ONECUT1: variants seen among roughly 807,000 people sequenced by gnomAD.
ONECUT1 encodes one cut homeobox 1, also known as hepatocyte nuclear factor 6.
Under a neutral mutation model 25.6 loss-of-function variants are expected in ONECUT1, and 12 were observed. That is an observed-to-expected ratio of 0.47 (90% CI 0.30 to 0.76). The LOEUF (loss-of-function observed/expected upper bound fraction) is 0.76. Among genes scored for constraint, ONECUT1 ranks in the 30% least tolerant of loss-of-function variants. The pLI is 0.07. For synonymous variants in ONECUT1, 285 were observed against 270.2 expected, an observed-to-expected ratio of 1.05 and a Z score of -0.54; for missense variants, 620 against 651.2, an observed-to-expected ratio of 0.95 and a Z score of 0.52.
In ONECUT1 at chr15:52,778,203, T is replaced by G. The variant is rs114955693; in HGVS notation, c.1105+10577A>C. Among the ~76,000 whole-genome samples, 1,440 of 152,328 alleles carry G rather than the reference T, an allele frequency of 9.5e-3. 23 individuals are homozygous for G. Among genetic ancestry groups the G allele is most frequent in the African/African-American group, 0.032 (1,343 of 41,560 alleles). On this transcript the variant is annotated intron_variant, in intron 1 of 1. Transcript: ENST00000305901. ...CTCAATAAAAGAACTAGAACATTAG[T>G]TGCCTTGTGAAGCTACAGGGTGTTC... is the stretch of plus-strand genomic sequence containing the variant.
rs368899189 is a variant in ONECUT1 at position 52,782,754 on chromosome 15, T to C, written c.1105+6026A>G. 6.6e-4 allele frequency among the ~76,000 whole-genome samples: 100 copies of C among 152,328 alleles called. 1 individual carries two copies. Among genetic ancestry groups the C allele is most frequent in the African/African-American group, 2.3e-3 (96 of 41,570 alleles). On this transcript the variant is annotated intron_variant, in intron 1 of 1. Coordinates refer to ENST00000305901, the MANE Select transcript of ONECUT1 (RefSeq NM_004498.4). ...GAAATTCTGCTGTTTTAATGGGGACTGAAAGGAAACTAGTCATTTCTCATT... is the reference window on the plus strand; with the variant it reads ...GAAATTCTGCTGTTTTAATGGGGACCGAAAGGAAACTAGTCATTTCTCATT...
intron 1 of ONECUT1, chr15:52,780,963 G>T: frequency 9.3e-7 from 1 of 1,079,442 alleles, no homozygotes; most frequent in Non-Finnish European, 1.2e-6. Flanking sequence ...ATTGCAAGAT[G>T]CCCTCTAGAC....
In ONECUT1 at chr15:52,776,168, G is replaced by C. The variant is rs2456504; in HGVS notation, c.1105+12612C>G. On this transcript the variant is annotated intron_variant, in intron 1 of 1. Transcript: ENST00000305901. ...CTCAGTAAGTAACAGGTTCCGGTGA[G>C]GCAGAAACAATCTAACTGATTGGAT... Among the ~76,000 whole-genome samples, 733 of 152,306 alleles carry C rather than the reference G, an allele frequency of 4.8e-3. 3 individuals are homozygous for C. The highest frequency in any genetic ancestry group is 0.016 in the African/African-American group (685 of 41,556).
intron 1 of ONECUT1, among the ~76,000 whole-genome samples, chr15:52,775,978 T>C (rs950624590): frequency 6.6e-6 from 1 of 152,210 alleles, no homozygotes. Context: ...AGGGATGGAT[T>C]TGGGCTAACC....
intron 1 of ONECUT1, 47 bp from the exon 2 acceptor site, chr15:52,757,894 A>G: frequency 6.4e-6 from 10 of 1,565,218 alleles, no homozygotes; most frequent in Non-Finnish European, 7.8e-6. Flanking sequence ...CTAGGGGAGA[A>G]TCATGAGTAG....
chr15:52,788,995 A>C lies in ONECUT1; in HGVS notation c.890T>G (p.Val297Gly). Reference protein sequence around the residue: ...GQMEEINTKEVAQRITTELKR... With the variant: ...GQMEEINTKEGAQRITTELKR... ...GAGCTCGGTGGTGATACGCTGCGCC[A>C]CCTCTTTGGTATTGATCTCTTCCAT... Residue 297 changes from valine to glycine, a missense_variant, in exon 1 of 2, where the codon GTG becomes GGG. Coordinates refer to ENST00000305901, the MANE Select transcript of ONECUT1 (RefSeq NM_004498.4). This position sits in a 1 kb window ranked among gnomAD's most constrained non-coding sequence, Gnocchi z 4.3. 6.2e-7 allele frequency: 1 copy of C among 1,610,894 alleles called. No homozygotes were observed. Among genetic ancestry groups the C allele is most frequent in the Non-Finnish European group, 8.5e-7 (1 of 1,179,954 alleles).
At chr15:52,761,019 G>A (rs1355004643) in intron 1 of ONECUT1, among the ~76,000 whole-genome samples, 1 of 150,738 alleles carries the variant, frequency 6.6e-6, no homozygotes, top group Admixed American at 6.6e-5. Flanking sequence ...ACTCTGGGGT[G>A]GGGTGGGGGT....
intron 1 of ONECUT1, chr15:52,785,855 T>A (rs1386553017): frequency 6.6e-6 from 1 of 152,254 alleles, no homozygotes; most frequent in Non-Finnish European, 1.5e-5. Context: ...TGTTATTTCG[T>A]GACCGGAAGG....
In ONECUT1 at chr15:52,784,032, C is replaced by T. The variant is rs1403901094; in HGVS notation, c.1105+4748G>A. On this transcript the variant is annotated intron_variant, in intron 1 of 1. Transcript: ENST00000305901. This position sits in a 1 kb window ranked among gnomAD's most constrained non-coding sequence, Gnocchi z 5.0. ...AAGGCGCAGCAAGCATCCCTTTCTT[C>T]GCTGCCGCGGGCTGAACCACGGACG... is the stretch of plus-strand genomic sequence containing the variant. 6.6e-6 allele frequency among the ~76,000 whole-genome samples: 1 copy of T among 152,234 alleles called. No individual in the cohort carries two copies. Among genetic ancestry groups the T allele is most frequent in the East Asian group, 1.9e-4 (1 of 5,198 alleles).
chr15:52,782,717 AC>A (rs2141462133), intron 1 of ONECUT1, among the ~76,000 whole-genome samples: 1 of 152,348 alleles, frequency 6.6e-6, no homozygotes, highest in South Asian at 2.1e-4. Context: ...ATTCAATTTT[AC>A]CAAGAGTGTG....
intron 1 of ONECUT1, among the ~76,000 whole-genome samples, chr15:52,783,321 T>C (rs951892740): frequency 7.2e-5 from 11 of 152,224 alleles, no homozygotes; most frequent in Middle Eastern, 3.2e-3. Context: ...TCGACGAGGA[T>C]AGGTTTGATC....
In ONECUT1 at chr15:52,789,181, G is replaced by T. The variant is rs1369073807; in HGVS notation, c.704C>A (p.Thr235Lys). The change falls in exon 1 of 2, where the codon ACG becomes AAG. Residue 235 changes from threonine (T) to lysine (K), a missense_variant. This residue lies in a region of ONECUT1 where 440 missense variants were observed against 404.9 expected (regional missense o/e 1.09). Coordinates refer to ENST00000305901, the MANE Select transcript of ONECUT1 (RefSeq NM_004498.4). The surrounding 1 kb of genome is among the most constrained non-coding windows in gnomAD (Gnocchi z 4.1). ...MLGRHGEQHL[T>K]PTSAGMVPIN... Reference sequence around the variant, plus strand: ...GGGCACCATGCCGGCCGAGGTGGGCGTGAGGTGCTGCTCCCCGTGGCGGCC... The same window carrying T: ...GGGCACCATGCCGGCCGAGGTGGGCTTGAGGTGCTGCTCCCCGTGGCGGCC... 6.3e-7 allele frequency: 1 copy of T among 1,583,086 alleles called. No individual in the cohort carries two copies. The highest frequency in any genetic ancestry group is 1.1e-5 in the South Asian group (1 of 88,244).
intron 1 of ONECUT1, among the ~76,000 whole-genome samples, chr15:52,783,500 C>T (rs899250986): frequency 3.3e-5 from 5 of 152,234 alleles, no homozygotes; most frequent in Non-Finnish European, 5.9e-5. Flanking sequence ...GGCGGTGGGA[C>T]CCTGTCCAGG....
At chr15:52,758,552 T>C (rs2083687476) in intron 1 of ONECUT1, among the ~76,000 whole-genome samples, 1 of 152,194 alleles carries the variant, frequency 6.6e-6, no homozygotes, top group African/African-American at 2.4e-5. Context: ...ACATTGAGAC[T>C]AAACCTGCCA....
In ONECUT1 at chr15:52,789,558, C is replaced by T. The variant is rs762584082; in HGVS notation, c.327G>A (p.Leu109=). ...MPTTYTTLTP[L]QPLPPISTVS... ...CTGTGGAGATGGGAGGCAGCGGCTGCAGAGGGGTCAAGGTGGTGTAGGTGG... is the reference window on the plus strand; with the variant it reads ...CTGTGGAGATGGGAGGCAGCGGCTGTAGAGGGGTCAAGGTGGTGTAGGTGG... The change falls in exon 1 of 2, where the codon CTG becomes CTA. Residue 109 remains leucine, a synonymous_variant. Transcript: ENST00000305901. The surrounding 1 kb of genome is among the most constrained non-coding windows in gnomAD (Gnocchi z 4.1). The T allele has an allele frequency of 6.3e-7, 1 of 1,595,834 alleles. No homozygotes were observed. Among genetic ancestry groups the T allele is most frequent in the East Asian group, 2.2e-5 (1 of 44,694 alleles).
rs35138937 is a variant in ONECUT1 at position 52,789,054 on chromosome 15, G to C, written c.831C>G (p.Gly277=). 2 of 1,603,228 alleles carry C rather than the reference G, an allele frequency of 1.2e-6. No individual in the cohort carries two copies. The highest frequency in any genetic ancestry group is 4.5e-5 in the East Asian group (2 of 44,880). ...AATTACTTCCATTGCTGACCTGCGC[G>C]CCGGTCACCGAAGGGTTGGGCTCCC... The part of the protein sequence containing the change: ...TAREPNPSVT[G]AQVSNGSNSG... Residue 277 remains glycine, a synonymous_variant, in exon 1 of 2, where the codon GGC becomes GGG. Coordinates refer to ENST00000305901, the MANE Select transcript of ONECUT1 (RefSeq NM_004498.4). The surrounding 1 kb of genome is among the most constrained non-coding windows in gnomAD (Gnocchi z 4.1).
Position 52,757,481 on chromosome 15 carries a change from T to G in ONECUT1, c.*74A>C. 6.9e-7 allele frequency: 1 copy of G among 1,455,840 alleles called. No individual in the cohort carries two copies. The highest frequency in any genetic ancestry group is 9.3e-7 in the Non-Finnish European group (1 of 1,076,724). 90.2% of individuals were successfully genotyped at this position (1,455,840 alleles called of 1,614,324 possible). A position where few individuals can be genotyped will look rare whatever the true frequency, so the allele number is the denominator to read the frequency against. On this transcript the variant is annotated 3_prime_UTR_variant, in exon 2 of 2. Transcript: ENST00000305901. ...ATTTCTAAGTATAAACCTGCTATCT[T>G]GAGGTCCTGGTCTTTTAAAAATTTT...
In ONECUT1 at chr15:52,755,493, A is replaced by AAACTT; in HGVS notation, c.*2061_*2062insAAGTT. On this transcript the variant is annotated 3_prime_UTR_variant, in exon 2 of 2. Coordinates refer to ENST00000305901, the MANE Select transcript of ONECUT1 (RefSeq NM_004498.4). ...AAATGAAGTATTTCATCAAAAGAGA[A>AAACTT]GTATATGTTGGTTTCCTCTTCTCAT... Among the ~76,000 whole-genome samples the AAACTT allele has an allele frequency of 6.6e-6, 1 of 152,344 alleles. No individual in the cohort carries two copies. Among genetic ancestry groups the AAACTT allele is most frequent in the Non-Finnish European group, 1.5e-5 (1 of 68,034 alleles).
At position 52,788,181 on chromosome 15, in the gene ONECUT1, A is replaced by T. The variant is rs2083889453; in HGVS notation, c.1105+599T>A. On this transcript the variant is annotated intron_variant, in intron 1 of 1. Transcript: ENST00000305901. This position sits in a 1 kb window ranked among gnomAD's most constrained non-coding sequence, Gnocchi z 4.3. ...CGCAGAGAGCGTCCTAACCCTTACAACTCGTCTGTGCTACACACCCACCGC... is the reference window on the plus strand; with the variant it reads ...CGCAGAGAGCGTCCTAACCCTTACATCTCGTCTGTGCTACACACCCACCGC... The T allele has an allele frequency of 6.6e-6, 1 of 152,382 alleles. No homozygotes were observed. Among genetic ancestry groups the T allele is most frequent in the Admixed American group, 6.5e-5 (1 of 15,322 alleles). 9.4% of individuals were successfully genotyped at this position (152,382 alleles called of 1,614,324 possible).
Sources: allele counts gnomAD v4.1 joint callset (sites outside exome capture counted in the v4.1 genomes callset), GRCh38; gene constraint gnomAD v4.1.1; regional missense constraint gnomAD v4.1.1; non-coding constraint Gnocchi (gnomAD v3.1); transcripts MANE v1.5; gene names NCBI Gene and HGNC (gene_info 2026-07-23, HGNC 2026-07-21).